SPG7: variants seen among roughly 807,000 people sequenced by gnomAD.
The protein encoded by SPG7 is SPG7 matrix AAA peptidase subunit, paraplegin, also known as mitochondrial inner membrane m-AAA protease component paraplegin.
In SPG7, 103 loss-of-function variants were observed where a neutral mutation model predicts 81.9. The ratio of observed to expected loss-of-function variants is 1.26; its 90% confidence interval spans 1.07 to 1.48. The LOEUF (loss-of-function observed/expected upper bound fraction) is 1.48. Among genes scored for constraint, SPG7 ranks in the 40% most tolerant of loss-of-function variants. The pLI is 0.00. For synonymous variants in SPG7, 534 were observed against 444.2 expected (o/e 1.20, Z -2.54); for missense variants, 1,241 against 1,087.3 (o/e 1.14, Z -1.99).
intron 9 of SPG7, chr16:89,542,941 CTTTTTTTTTTT>C (rs60645680): frequency 1.2e-5 from 1 of 84,652 alleles, no homozygotes; most frequent in East Asian, 3.2e-4. Flanking sequence ...AGATCCTGTT[CTTTTTTTTTTT>C]TTTTTTTTTT....
chr16:89,528,635 C>G (rs1165279378), intron 5 of SPG7: 1 of 139,460 alleles, frequency 7.2e-6, no homozygotes, highest in African/African-American at 2.7e-5. Context: ...GAGTCAGGGT[C>G]TCACTCTGTC....
intron 12 of SPG7, chr16:89,550,138 G>A: frequency 2.8e-6 from 1 of 353,536 alleles, no homozygotes; most frequent in Non-Finnish European, 5.6e-6. Context: ...CCCAGCCAGG[G>A]AGAGGCCGGG....
At chr16:89,515,770 C>T (rs375392261) in intron 3 of SPG7, among the ~76,000 whole-genome samples, 253 of 150,222 alleles carry the variant, frequency 1.7e-3, no homozygotes, top group African/African-American at 5.2e-3. Context: ...TGCAATGGCA[C>T]GATCTCGGCT....
At chr16:89,544,333 G>C in intron 9 of SPG7, 1 of 384,760 alleles carries the variant, frequency 2.6e-6, no homozygotes, top group East Asian at 6.1e-5. Context: ...GGTGGGGGGT[G>C]GCTGTTAGGA....
Position 89,508,612 on chromosome 16 carries a change from C to G in SPG7, c.183+12C>G, listed in dbSNP as rs781536426. Reference sequence around the variant, plus strand: ...GCCGAGCTCTGCAGGTAAATCCCCGCGGAGTCCGGGCCCCACCTCCCGCCC... The same window carrying G: ...GCCGAGCTCTGCAGGTAAATCCCCGGGGAGTCCGGGCCCCACCTCCCGCCC... On this transcript the variant is annotated intron_variant, in intron 1 of 16. Transcript: ENST00000645818. 3 of 1,449,646 alleles carry G rather than the reference C, an allele frequency of 2.1e-6. No homozygotes were observed. The highest frequency in any genetic ancestry group is 2.7e-6 in the Non-Finnish European group (3 of 1,106,344). 89.8% of individuals were successfully genotyped at this position (1,449,646 alleles called of 1,614,324 possible). A position where few individuals can be genotyped will look rare whatever the true frequency, so the allele number is the denominator to read the frequency against.
Position 89,510,682 on chromosome 16 carries a change from C to T in SPG7, c.286+90C>T, listed in dbSNP as rs563105084. The T allele has an allele frequency of 2.3e-4, 185 of 808,450 alleles. No homozygotes were observed. The African/African-American group carries it at 2.8e-3, about 12-fold the overall frequency. 50.1% of individuals were successfully genotyped at this position (808,450 alleles called of 1,614,324 possible). On this transcript the variant is annotated intron_variant, in intron 2 of 16. Transcript: ENST00000645818. The stretch of plus-strand genomic sequence containing the variant: ...GGCTGATCTTTTTTTATTTTAGAGA[C>T]GGGATCTCGCCCTGTTGCACGGGCT...
chr16:89,553,737 A>C (rs1597664904), intron 14 of SPG7, 57 bp from the exon 15 acceptor site: 3 of 1,575,366 alleles, frequency 1.9e-6, no homozygotes, highest in East Asian at 2.2e-5. Context: ...CCTGGGGCCC[A>C]GCACTGCTCT....
Position 89,524,068 on chromosome 16 carries a change from G to A in SPG7, c.439G>A (p.Val147Ile). 6.2e-7 allele frequency: 1 copy of A among 1,613,880 alleles called. No homozygotes were observed. Among genetic ancestry groups the A allele is most frequent in the Non-Finnish European group, 8.5e-7 (1 of 1,180,030 alleles). Residue 147 changes from valine (V) to isoleucine (I), a missense_variant, in exon 4 of 17, where the codon GTC (valine) becomes ATC (isoleucine). Transcript: ENST00000645818. ...MYRERLRTLL[V>I]IAVVMSLLNA... is the part of the protein sequence containing the mutation. ...CCGAGAGCGGCTGCGCACCTTGCTG[G>A]TCATCGCGGTTGTCATGAGCCTCCT...
chr16:89,529,165 C>T, intron 5 of SPG7: 1 of 401,434 alleles, frequency 2.5e-6, no homozygotes, highest in Non-Finnish European at 4.7e-6. Context: ...TGAAGCTGAT[C>T]GCTTACATTT....
chr16:89,509,542 G>C (rs949248060), intron 1 of SPG7, among the ~76,000 whole-genome samples: 2 of 152,008 alleles, frequency 1.3e-5, no homozygotes, highest in African/African-American at 4.8e-5. Flanking sequence ...GAGCCACCGC[G>C]CCCGGCCATA....
chr16:89,530,675 C>T lies in SPG7; in HGVS notation c.862-8C>T, dbSNP rs754296518. The T allele has an allele frequency of 6.2e-7, 1 of 1,614,094 alleles. No homozygotes were observed. Among genetic ancestry groups the T allele is most frequent in the Non-Finnish European group, 8.5e-7 (1 of 1,180,016 alleles). ...CCCAGCTCCTTGCACTTTGTTCTTT[C>T]TGCACAGAATCAGCTTAAAATGGCT... On this transcript the variant is annotated splice_region_variant and splice_polypyrimidine_tract_variant and intron_variant, in intron 6 of 16. Transcript: ENST00000645818.
Position 89,553,979 on chromosome 16 carries a change from C to T in SPG7, c.2103+19C>T, listed in dbSNP as rs2058663063. 6.2e-7 allele frequency: 1 copy of T among 1,608,836 alleles called. No individual in the cohort carries two copies. Among genetic ancestry groups the T allele is most frequent in the Non-Finnish European group, 8.5e-7 (1 of 1,179,674 alleles). On this transcript the variant is annotated intron_variant, in intron 15 of 16. Transcript: ENST00000645818. ...GGACCATGTGAGTCGGCTCTGGCCACACCGCTGCCCTCTGTGCTCCCCGGG... is the reference window on the plus strand; with the variant it reads ...GGACCATGTGAGTCGGCTCTGGCCATACCGCTGCCCTCTGTGCTCCCCGGG...
chr16:89,531,851 C>CA (rs1227190470), intron 7 of SPG7, 53 bp from the exon 8 acceptor site: 29 of 1,605,292 alleles, frequency 1.8e-5, no homozygotes, highest in Admixed American at 1.2e-4. Context: ...CTCTAAAAAA[C>CA]AAAAAAACGG....
At chr16:89,520,380 TTTTGTTTG>T (rs113614318) in intron 3 of SPG7, 218 of 185,882 alleles carry the variant, frequency 1.2e-3, no homozygotes, top group African/African-American at 3.9e-3. Flanking sequence ...CCTAGAGTGC[TTTTGTTTG>T]TTTGTTTGTT....
chr16:89,508,825 C>G (rs1235581141), intron 1 of SPG7: 1 of 686,918 alleles, frequency 1.5e-6, no homozygotes, highest in East Asian at 2.8e-5. Context: ...TCCGCGCAGT[C>G]CTCGGCGTGG....
rs371725196 is a variant in SPG7, at chr16:89,526,343, G to A, written c.633G>A (p.Met211Ile). ...CTGCCCCCCAGCGGCTAGCCTTGAT[G>A]TACCGAATGCAGGTTGCAAATATTG... ...VVFGRPRLAL[M>I]YRMQVANIDK... The change falls in exon 5 of 17, where the codon ATG becomes ATA. Residue 211 changes from methionine (M) to isoleucine (I), a missense_variant. Transcript: ENST00000645818. 190 of 1,613,968 alleles carry A rather than the reference G, an allele frequency of 1.2e-4. No individual in the cohort carries two copies. Among genetic ancestry groups the A allele is most frequent in the Non-Finnish European group, 1.5e-4 (176 of 1,180,016 alleles).
At chr16:89,528,900 C>T (rs1328400828) in intron 5 of SPG7, 1 of 176,314 alleles carries the variant, frequency 5.7e-6, no homozygotes, top group East Asian at 1.5e-4. Context: ...CAGCCTTCAC[C>T]TCCTAGGTTC....
intron 14 of SPG7, 200 bp from the exon 15 acceptor site, chr16:89,553,594 G>C: frequency 1.7e-6 from 1 of 600,860 alleles, no homozygotes; most frequent in Non-Finnish European, 3.0e-6. Flanking sequence ...AAATAAAAGA[G>C]CATTTCGGAA....
chr16:89,519,943 T>A (rs1401789167), intron 3 of SPG7: 1 of 152,256 alleles, frequency 6.6e-6, no homozygotes. Flanking sequence ...GATCATAATA[T>A]CTAATTGTCA....
Sources: allele counts gnomAD v4.1 joint callset (sites outside exome capture counted in the v4.1 genomes callset), GRCh38; gene constraint gnomAD v4.1.1; transcripts MANE v1.5; gene names NCBI Gene and HGNC (gene_info 2026-07-23, HGNC 2026-07-21).